Variants in NCF2 observed in about 807,000 individuals in gnomAD.
NCF2 encodes the protein neutrophil cytosol factor 2.
In NCF2, 45 loss-of-function variants were observed where a neutral mutation model predicts 70.9. That is an observed-to-expected ratio of 0.63 (90% confidence interval 0.50 to 0.81). NCF2 has a LOEUF of 0.81. Among genes scored for constraint, NCF2 ranks in the 40% least tolerant of loss-of-function variants. NCF2 has a pLI of 0.00. For missense variants in NCF2, 522 were observed against 631.6 expected (o/e 0.83, Z 1.86); for synonymous variants, 203 against 233.6 (o/e 0.87, Z 1.19).
At chr1:183,592,859 C>T (rs982212460), upstream of NCF2, among the ~76,000 whole-genome samples, 4 of 152,190 alleles carry the variant, frequency 2.6e-5, no homozygotes, top group African/African-American at 4.8e-5. Flanking sequence ...CTGCTGCTTA[C>T]TCTTCTCCCG....
intron 11 of NCF2, 115 bp from the exon 12 acceptor site, chr1:183,563,700 G>T: frequency 7.6e-7 from 1 of 1,311,722 alleles, no homozygotes; most frequent in Non-Finnish European, 1.1e-6. Context: ...GCAGGGGAGA[G>T]GCCAGTAAGT....
chr1:183,601,615 T>G, the NCF2 span, among the ~76,000 whole-genome samples: 1 of 152,174 alleles, frequency 6.6e-6, no homozygotes, highest in Admixed American at 6.5e-5. Context: ...CCCAGCACTT[T>G]GGGAGGTTGA....
At chr1:183,596,177 TA>T in the NCF2 span, among the ~76,000 whole-genome samples, 2 of 151,662 alleles carry the variant, frequency 1.3e-5, no homozygotes, top group Non-Finnish European at 2.9e-5. Flanking sequence ...ATTTTTAACA[TA>T]TCTGTTAAAT....
chr1:183,556,833 T>A (rs1362619778), intron 14 of NCF2, among the ~76,000 whole-genome samples: 1 of 152,196 alleles, frequency 6.6e-6, no homozygotes, highest in Admixed American at 6.5e-5. Context: ...CTGGCCCAAT[T>A]TTTTAAGAGA....
chr1:183,556,448 GAT>G (rs2102868272), intron 14 of NCF2, among the ~76,000 whole-genome samples: 1 of 152,298 alleles, frequency 6.6e-6, no homozygotes, highest in East Asian at 1.9e-4. Flanking sequence ...AATGAAGAAG[GAT>G]AAATTATGTT....
At position 183,565,711 on chromosome 1, in the gene NCF2, C is replaced by T. The variant is rs776750922; in HGVS notation, c.993G>A (p.Leu331=). 9.9e-6 allele frequency: 16 copies of T among 1,612,336 alleles called. No individual in the cohort carries two copies. In the East Asian group the frequency reaches 3.6e-4, roughly 36 times the overall value. ...PSSKAPGRPQ[L]SPGQKQKEEP... ...GGCTCCAGGACCACTCACCTGGTGA[C>T]AGCTGGGGTCTTCCAGGGGCTTTGG... Residue 331 remains leucine, a synonymous_variant, in exon 10 of 15, where the codon CTG becomes CTA. Coordinates refer to ENST00000367535, the MANE Select transcript of NCF2 (RefSeq NM_000433.4).
At chr1:183,596,225 A>T in the NCF2 span, among the ~76,000 whole-genome samples, 11 of 150,386 alleles carry the variant, frequency 7.3e-5, no homozygotes, top group Non-Finnish European at 3.0e-5. Context: ...AGTCAGTGTG[A>T]TTACTTAATT....
At position 183,590,139 on chromosome 1, in the gene NCF2, G is replaced by C. The variant is rs768016299; in HGVS notation, c.174+17C>G. 3 of 1,614,128 alleles carry C rather than the reference G, an allele frequency of 1.9e-6. No homozygotes were observed. The highest frequency in any genetic ancestry group is 2.2e-5 in the East Asian group (1 of 44,880). On this transcript the variant is annotated intron_variant, in intron 1 of 14. Coordinates refer to ENST00000367535, the MANE Select transcript of NCF2 (RefSeq NM_000433.4). ...CAAATGCACAGAGGAGGCCCGGAAA[G>C]AGGCACCTCCACTCACCTTCTCTGC...
At position 183,574,633 on chromosome 1, in the gene NCF2, C is replaced by T; in HGVS notation, c.367-12G>A. 6.2e-7 allele frequency: 1 copy of T among 1,614,126 alleles called. No individual in the cohort carries two copies. The highest frequency in any genetic ancestry group is 8.5e-7 in the Non-Finnish European group (1 of 1,179,972). ...ATGTTATATAACACCTAGAAAAGTA[C>T]AGACCGCAACATAAAACTTGAGACT... On this transcript the variant is annotated splice_polypyrimidine_tract_variant and intron_variant, in intron 3 of 14. Coordinates refer to ENST00000367535, the MANE Select transcript of NCF2 (RefSeq NM_000433.4).
rs1672712256 is a variant in NCF2 at position 183,574,543 on chromosome 1, T to C, written c.445A>G (p.Ser149Gly). The C allele has an allele frequency of 1.2e-6, 2 of 1,614,260 alleles. No homozygotes were observed. Among genetic ancestry groups the C allele is most frequent in the Admixed American group, 1.7e-5 (1 of 60,030 alleles). ...KAEEQLALAT[S>G]MKSEPRHSKI... ...GAATGTCTGGGCTCAGACTTCATGCTCGTGGCCAATGCTAACTGTTCTTCA... is the reference window on the plus strand; with the variant it reads ...GAATGTCTGGGCTCAGACTTCATGCCCGTGGCCAATGCTAACTGTTCTTCA... The change falls in exon 4 of 15, where the codon AGC (serine) becomes GGC (glycine). Residue 149 changes from serine (S) to glycine (G), a missense_variant. By Grantham distance (56) the Ser-to-Gly change is moderately conservative (BLOSUM62 0). Coordinates refer to ENST00000367535, the MANE Select transcript of NCF2 (RefSeq NM_000433.4).
In NCF2 at chr1:183,564,034, A is replaced by C. The variant is rs1303682660; in HGVS notation, c.1001-4T>G. On this transcript the variant is annotated splice_region_variant and splice_polypyrimidine_tract_variant and intron_variant, in intron 10 of 14. Coordinates refer to ENST00000367535, the MANE Select transcript of NCF2 (RefSeq NM_000433.4). ...GGCTCTTCTTTTTGTTTCTGGCCTG[A>C]ATGGAAAAAGTAGGGAGTAAAACAA... The C allele has an allele frequency of 2.5e-6, 4 of 1,610,710 alleles. No individual in the cohort carries two copies. Among genetic ancestry groups the C allele is most frequent in the Non-Finnish European group, 3.4e-6 (4 of 1,176,868 alleles).
intron 3 of NCF2, 91 bp from the exon 4 acceptor site, chr1:183,574,712 C>T: frequency 6.7e-7 from 1 of 1,484,316 alleles, no homozygotes; most frequent in South Asian, 1.1e-5. Context: ...GAGAATGTTG[C>T]CTGGTAGCCT....
chr1:183,567,491 C>T (rs1672365073), intron 7 of NCF2, 146 bp from the exon 8 acceptor site: 8 of 1,120,352 alleles, frequency 7.1e-6, no homozygotes, highest in Non-Finnish European at 8.1e-6. Context: ...ACTGAGCCTG[C>T]CTGGGCTCCC....
chr1:183,570,311 T>C (rs1042320071), intron 6 of NCF2, among the ~76,000 whole-genome samples: 5 of 152,356 alleles, frequency 3.3e-5, no homozygotes, highest in Non-Finnish European at 4.4e-5. Flanking sequence ...TCACTCTCAG[T>C]GCGCTGCCTG....
intron 14 of NCF2, 119 bp from the exon 15 acceptor site, chr1:183,556,349 C>T: frequency 1.2e-6 from 1 of 867,734 alleles, no homozygotes; most frequent in Admixed American, 1.9e-5. Flanking sequence ...TTGTGATCAA[C>T]AGGGAAAAGA....
intron 2 of NCF2, among the ~76,000 whole-genome samples, chr1:183,583,595 A>G (rs1344508365): frequency 6.6e-6 from 1 of 152,272 alleles, no homozygotes; most frequent in Non-Finnish European, 1.5e-5. Context: ...ACTGAAATAC[A>G]AGCATGAGTA....
chr1:183,574,708 G>A lies in NCF2; in HGVS notation c.367-87C>T, dbSNP rs1572163555. Reference sequence around the variant, plus strand: ...AGGCTCACACGTATACTCTGAGAATGTTGCCTGGTAGCCTTTCTCCCTTTC... The same window carrying A: ...AGGCTCACACGTATACTCTGAGAATATTGCCTGGTAGCCTTTCTCCCTTTC... On this transcript the variant is annotated intron_variant, in intron 3 of 14. Transcript: ENST00000367535. 4 of 1,509,858 alleles carry A rather than the reference G, an allele frequency of 2.6e-6. No homozygotes were observed. In the East Asian group the frequency reaches 6.8e-5, roughly 26 times the overall value. 93.5% of individuals were successfully genotyped at this position (1,509,858 alleles called of 1,614,324 possible). A position where few individuals can be genotyped will look rare whatever the true frequency, so the allele number is the denominator to read the frequency against.
chr1:183,585,508 C>A (rs888385720), intron 2 of NCF2, among the ~76,000 whole-genome samples: 1 of 151,438 alleles, frequency 6.6e-6, no homozygotes, highest in African/African-American at 2.4e-5. Flanking sequence ...ACCTGTAATC[C>A]CAGCTACTTG....
intron 3 of NCF2, among the ~76,000 whole-genome samples, chr1:183,575,060 C>T (rs1477608806): frequency 6.6e-6 from 1 of 152,210 alleles, no homozygotes; most frequent in African/African-American, 2.4e-5. Context: ...CACCTCCTGC[C>T]ACTGTACCTA....
Sources: gnomAD v4.1 joint callset for allele counts (sites outside exome capture counted in the v4.1 genomes callset) on GRCh38, gnomAD v4.1.1 for gene constraint, MANE v1.5 for transcripts, NCBI Gene and HGNC (gene_info 2026-07-23, HGNC 2026-07-21) for gene names.